Variants in FAM168A observed in about 807,000 individuals in gnomAD.
FAM168A encodes protein FAM168A.
FAM168A carries 3 observed loss-of-function variants against 28.5 expected under a neutral mutation model. The ratio of observed to expected loss-of-function variants is 0.11; its 90% CI spans 0.05 to 0.27. FAM168A has a LOEUF of 0.27. Ranked by LOEUF, FAM168A falls within the 10% of genes least tolerant of loss-of-function variation. The pLI, the probability that FAM168A is intolerant of heterozygous loss-of-function variation, is 1.00. For synonymous variants in FAM168A, 122 were observed against 124.2 expected, an observed-to-expected ratio of 0.98 and a Z score of 0.12; for missense variants, 222 against 311.5, an observed-to-expected ratio of 0.71 and a Z score of 2.16.
chr11:73,456,548 GAAAA>G (rs111692966), intron 2 of FAM168A, among the ~76,000 whole-genome samples: 1 of 148,180 alleles, frequency 6.7e-6, no homozygotes, highest in East Asian at 1.9e-4. Flanking sequence ...GCCAGAAAAA[GAAAA>G]AAAAAATCCT....
At chr11:73,497,513 T>C (rs1854916737) in intron 1 of FAM168A, among the ~76,000 whole-genome samples, 1 of 152,034 alleles carries the variant, frequency 6.6e-6, no homozygotes, top group Non-Finnish European at 1.5e-5. Flanking sequence ...AATATTCTAG[T>C]ATATCTGTGC....
chr11:73,418,392 T>C (rs906308020), intron 4 of FAM168A, among the ~76,000 whole-genome samples: 5 of 152,188 alleles, frequency 3.3e-5, no homozygotes, highest in African/African-American at 1.2e-4. Context: ...GGCTTCCTCT[T>C]TTGCCTTCCG....
intron 2 of FAM168A, among the ~76,000 whole-genome samples, chr11:73,463,130 G>A (rs1259638546): frequency 6.6e-6 from 1 of 151,662 alleles, no homozygotes; most frequent in Non-Finnish European, 1.5e-5. Context: ...CACCACATCT[G>A]GTTATTTTTT....
intron 1 of FAM168A, among the ~76,000 whole-genome samples, chr11:73,500,480 G>A (rs571776946): frequency 2.0e-5 from 3 of 152,084 alleles, no homozygotes; most frequent in South Asian, 4.2e-4. Context: ...GGCTGGTCTC[G>A]AACTCCTGAC....
At chr11:73,446,596 G>A (rs1245940127) in intron 2 of FAM168A, among the ~76,000 whole-genome samples, 1 of 152,130 alleles carries the variant, frequency 6.6e-6, no homozygotes, top group Non-Finnish European at 1.5e-5. Flanking sequence ...GGAAGCCTGA[G>A]GTAAGTCCAG....
intron 1 of FAM168A, among the ~76,000 whole-genome samples, chr11:73,525,310 A>T (rs967628468): frequency 6.6e-6 from 1 of 152,088 alleles, no homozygotes; most frequent in African/African-American, 2.4e-5. Context: ...AATTTTTTTT[A>T]AACTGGGGAA....
intron 4 of FAM168A, among the ~76,000 whole-genome samples, chr11:73,416,484 A>G (rs1350851839): frequency 1.3e-5 from 2 of 152,218 alleles, no homozygotes; most frequent in African/African-American, 2.4e-5. Context: ...TGAGACAGTG[A>G]TGAATCAGCA....
intron 1 of FAM168A, among the ~76,000 whole-genome samples, chr11:73,560,374 T>C (rs945896638): frequency 1.3e-5 from 2 of 152,006 alleles, no homozygotes; most frequent in African/African-American, 4.8e-5. Context: ...CCAATGAAGG[T>C]ACTTTTGCTA....
chr11:73,562,500 T>C (rs1228668382), intron 1 of FAM168A, among the ~76,000 whole-genome samples: 1 of 152,214 alleles, frequency 6.6e-6, no homozygotes, highest in African/African-American at 2.4e-5. Context: ...GATTTCTTGC[T>C]TAATCTAGAG....
intron 1 of FAM168A, among the ~76,000 whole-genome samples, chr11:73,520,507 A>G (rs982687449): frequency 9.2e-5 from 14 of 152,204 alleles, no homozygotes; most frequent in African/African-American, 3.4e-4. Flanking sequence ...AAAGGAACAT[A>G]TGGTTTGAAG....
intron 1 of FAM168A, among the ~76,000 whole-genome samples, chr11:73,522,321 TTTTG>T (rs776123027): frequency 1.6e-4 from 24 of 152,186 alleles, no homozygotes; most frequent in African/African-American, 5.5e-4. Context: ...TCTGGGTTTT[TTTTG>T]TTTGTTTGTT....
intron 1 of FAM168A, among the ~76,000 whole-genome samples, chr11:73,563,930 G>T (rs115236808): frequency 6.6e-6 from 1 of 152,176 alleles, no homozygotes; most frequent in Non-Finnish European, 1.5e-5. Context: ...GATTAGGGTA[G>T]ACTATGGTGG....
rs1459108822 is a variant in FAM168A at position 73,437,528 on chromosome 11, C to T, written c.71-6758G>A. On this transcript the variant is annotated intron_variant, in intron 2 of 7. Coordinates refer to ENST00000356467, the MANE Select transcript of FAM168A (RefSeq NM_015159.3). ...AAGCAATTCTTCTGCCTCAGCCTCC[C>T]GCAGCATACTCTTCTAATGATGGTA... Among the ~76,000 whole-genome samples the T allele has an allele frequency of 4.0e-5, 6 of 151,664 alleles. No individual in the cohort carries two copies. In the East Asian group the frequency reaches 5.8e-4, roughly 15 times the overall value.
At chr11:73,421,034 G>T (rs1184668844) in intron 3 of FAM168A, 1 of 137,558 alleles carries the variant, frequency 7.3e-6, no homozygotes, top group Non-Finnish European at 1.5e-5. Flanking sequence ...GTAAAACGAA[G>T]AATTTTAGCA....
At chr11:73,541,902 C>G (rs56884659) in intron 1 of FAM168A, among the ~76,000 whole-genome samples, 11,841 of 152,218 alleles carry the variant, frequency 0.078, 559 homozygotes, top group Non-Finnish European at 0.11. Context: ...AGTGAACTAT[C>G]CAATGTCCCA....
chr11:73,532,671 C>A (rs931710153), intron 1 of FAM168A, among the ~76,000 whole-genome samples: 14 of 152,220 alleles, frequency 9.2e-5, no homozygotes, highest in African/African-American at 3.1e-4. Context: ...CAGCTGAAAC[C>A]TTCCCAGAGA....
chr11:73,440,732 C>CA (rs1867179483), intron 2 of FAM168A, among the ~76,000 whole-genome samples: 1 of 151,798 alleles, frequency 6.6e-6, no homozygotes, highest in African/African-American at 2.4e-5. Context: ...TAGATGATAC[C>CA]AAAAGGGAGA....
At chr11:73,415,753 G>A (rs1866684940) in intron 4 of FAM168A, among the ~76,000 whole-genome samples, 1 of 151,960 alleles carries the variant, frequency 6.6e-6, no homozygotes, top group East Asian at 1.9e-4. Context: ...TGGGCTTGTT[G>A]CAAAAAAGTC....
At position 73,400,737 on chromosome 11, in the gene FAM168A, G is replaced by C. The variant is rs1045256229; in HGVS notation, c.*6026C>G. ...GACGCCCAAGGGACTCACTGGCCCAGGACAGTCCTCTGTGCCTCCCTCCCC... is the reference window on the plus strand; with the variant it reads ...GACGCCCAAGGGACTCACTGGCCCACGACAGTCCTCTGTGCCTCCCTCCCC... On this transcript the variant is annotated 3_prime_UTR_variant, in exon 8 of 8. Transcript: ENST00000356467. 20 of 152,120 alleles carry C rather than the reference G, an allele frequency of 1.3e-4. No individual in the cohort carries two copies. The highest frequency in any genetic ancestry group is 2.8e-4 in the Non-Finnish European group (19 of 68,032). The allele number at this position is 152,120 out of a possible 1,614,324, so 9.4% of individuals were successfully genotyped here. A position where few individuals can be genotyped will look rare whatever the true frequency, so the allele number is the denominator to read the frequency against.
Sources: gnomAD v4.1 joint callset for allele counts (sites outside exome capture counted in the v4.1 genomes callset) on GRCh38, gnomAD v4.1.1 for gene constraint, MANE v1.5 for transcripts, NCBI Gene and HGNC (gene_info 2026-07-23, HGNC 2026-07-21) for gene names.